Variants in CTNNA2 observed in about 807,000 individuals in gnomAD.
The protein encoded by CTNNA2 is catenin alpha 2, also known as catenin alpha-2.
In CTNNA2, 42 loss-of-function variants were observed where a neutral mutation model predicts 101.0. The ratio of observed to expected loss-of-function variants is 0.42; its 90% CI spans 0.32 to 0.54. The LOEUF (loss-of-function observed/expected upper bound fraction) is 0.54. Ranked by LOEUF, CTNNA2 falls within the 20% of genes least tolerant of loss-of-function variation. The pLI, the probability that CTNNA2 is intolerant of heterozygous loss-of-function variation, is 0.14. For synonymous variants in CTNNA2, 450 were observed against 456.4 expected (o/e 0.99, Z 0.18); for missense variants, 871 against 1,223.1 (o/e 0.71, Z 4.29).
chr2:80,350,325 G>C (rs912053706), intron 7 of CTNNA2, among the ~76,000 whole-genome samples: 26 of 152,126 alleles, frequency 1.7e-4, no homozygotes, highest in Non-Finnish European at 5.9e-5. Context: ...TTATTTTATT[G>C]TAGCATTCTT....
intron 2 of CTNNA2, among the ~76,000 whole-genome samples, chr2:79,679,139 C>T (rs946164977): frequency 3.9e-5 from 6 of 152,282 alleles, no homozygotes; most frequent in East Asian, 1.9e-4. Context: ...AACTGTGTTT[C>T]GCCTCCTAGA....
At chr2:79,814,823 T>C (rs1184553109) in intron 3 of CTNNA2, among the ~76,000 whole-genome samples, 2 of 152,166 alleles carry the variant, frequency 1.3e-5, no homozygotes, top group African/African-American at 4.8e-5. Context: ...CAAATGGTAG[T>C]ACTTTTAGTT....
chr2:79,634,193 T>G (rs1414863820), intron 1 of CTNNA2, among the ~76,000 whole-genome samples: 4 of 152,194 alleles, frequency 2.6e-5, no homozygotes, highest in African/African-American at 9.6e-5. Context: ...TTCCCTGAAT[T>G]ACATCATGGT....
intron 15 of CTNNA2, among the ~76,000 whole-genome samples, chr2:80,602,309 T>A (rs1025373241): frequency 2.0e-5 from 3 of 152,028 alleles, no homozygotes; most frequent in African/African-American, 7.2e-5. Context: ...TCAAGCAGAT[T>A]CAGGATCTAT....
Position 80,183,140 on chromosome 2 carries a change from G to A in CTNNA2, c.1057-210071G>A, listed in dbSNP as rs556987786. On this transcript the variant is annotated intron_variant, in intron 7 of 18. Coordinates refer to ENST00000402739, the MANE Select transcript of CTNNA2 (RefSeq NM_001282597.3). ...TTCTGCCTGCTTCCCACCGCTAAATGTCAATAGATCCCCCCAGACACCATT... is the reference window on the plus strand; with the variant it reads ...TTCTGCCTGCTTCCCACCGCTAAATATCAATAGATCCCCCCAGACACCATT... Among the ~76,000 whole-genome samples the A allele has an allele frequency of 6.6e-5, 10 of 152,240 alleles. No homozygotes were observed. The South Asian group carries it at 1.9e-3, about 28-fold the overall frequency.
intron 2 of CTNNA2, among the ~76,000 whole-genome samples, chr2:79,211,470 G>A (rs533871270): frequency 2.0e-5 from 3 of 152,288 alleles, no homozygotes; most frequent in South Asian, 2.1e-4. Context: ...TAGGGGTGGG[G>A]CCTTTTTATA....
At chr2:79,724,900 C>T (rs982004868) in intron 2 of CTNNA2, among the ~76,000 whole-genome samples, 4 of 151,066 alleles carry the variant, frequency 2.6e-5, no homozygotes, top group Non-Finnish European at 4.4e-5. Context: ...CACATCAGCA[C>T]GTCTACTCTG....
At chr2:79,778,967 T>A (rs1189541065) in intron 3 of CTNNA2, among the ~76,000 whole-genome samples, 16 of 152,190 alleles carry the variant, frequency 1.1e-4, no homozygotes, top group Admixed American at 1.0e-3. Flanking sequence ...TGGGCCAAAG[T>A]TTGCTAATTC....
chr2:80,010,623 G>A (rs958806056), intron 7 of CTNNA2, among the ~76,000 whole-genome samples: 1 of 152,112 alleles, frequency 6.6e-6, no homozygotes, highest in Non-Finnish European at 1.5e-5. Flanking sequence ...ATTTTAGCAA[G>A]TGTAATAATT....
chr2:79,212,816 T>C (rs1674193570), intron 2 of CTNNA2, among the ~76,000 whole-genome samples: 2 of 152,182 alleles, frequency 1.3e-5, no homozygotes, highest in Admixed American at 6.5e-5. Flanking sequence ...AATTTGCCAG[T>C]CCTGGGCAGG....
At chr2:79,496,764 A>G (rs1671260892) in intron 4 of CTNNA2, among the ~76,000 whole-genome samples, 3 of 151,964 alleles carry the variant, frequency 2.0e-5, no homozygotes, top group African/African-American at 7.2e-5. Context: ...TATACATAGA[A>G]GGAGATATAA....
chr2:80,021,077 C>G (rs886396285), intron 7 of CTNNA2, among the ~76,000 whole-genome samples: 5 of 143,776 alleles, frequency 3.5e-5, no homozygotes, highest in Non-Finnish European at 7.5e-5. Flanking sequence ...TCTTGGCTCA[C>G]TGCATGATCG....
intron 7 of CTNNA2, among the ~76,000 whole-genome samples, chr2:80,341,840 C>T (rs1216516605): frequency 6.6e-6 from 1 of 152,056 alleles, no homozygotes; most frequent in East Asian, 1.9e-4. Flanking sequence ...TTCACAACAG[C>T]CAAAAATTGC....
chr2:79,976,034 G>T lies in CTNNA2; in HGVS notation c.1056+66237G>T, dbSNP rs1382151619. Among the ~76,000 whole-genome samples, 6 of 152,098 alleles carry T rather than the reference G, an allele frequency of 3.9e-5. No individual in the cohort carries two copies. In the South Asian group the frequency reaches 1.0e-3, roughly 26 times the overall value. ...TCTTCTGGTGACCAGCTCCCAAGCT[G>T]AATTTATCTAGGGATCCCCAGCCAC... On this transcript the variant is annotated intron_variant, in intron 7 of 18. Transcript: ENST00000402739.
chr2:80,272,392 C>T (rs1673566301), intron 7 of CTNNA2, among the ~76,000 whole-genome samples: 1 of 152,240 alleles, frequency 6.6e-6, no homozygotes, highest in Admixed American at 6.5e-5. Context: ...GAGTTGGCTA[C>T]ATTTTCAAAA....
At chr2:79,687,655 G>A in intron 2 of CTNNA2, 4 of 634,428 alleles carry the variant, frequency 6.3e-6, no homozygotes, top group South Asian at 1.8e-5. Flanking sequence ...TGTTGAATTG[G>A]GTAACTCTTT....
intron 4 of CTNNA2, among the ~76,000 whole-genome samples, chr2:79,492,831 G>A (rs1671217704): frequency 6.6e-6 from 1 of 152,066 alleles, no homozygotes; most frequent in African/African-American, 2.4e-5. Context: ...GGAAAAATGA[G>A]TCTAGTAACA....
At chr2:79,711,778 C>T (rs1250711125) in intron 2 of CTNNA2, among the ~76,000 whole-genome samples, 3 of 152,052 alleles carry the variant, frequency 2.0e-5, no homozygotes, top group Non-Finnish European at 4.4e-5. Context: ...CTGCTCAACT[C>T]GGCTGTTGTG....
chr2:80,591,310 C>T (rs1696467694), intron 15 of CTNNA2, among the ~76,000 whole-genome samples: 1 of 151,958 alleles, frequency 6.6e-6, no homozygotes, highest in Admixed American at 6.6e-5. Flanking sequence ...CAATTTTTCC[C>T]ACTGCATGAT....
Sources: allele counts gnomAD v4.1 joint callset (sites outside exome capture counted in the v4.1 genomes callset), GRCh38; gene constraint gnomAD v4.1.1; transcripts MANE v1.5; gene names NCBI Gene and HGNC (gene_info 2026-07-23, HGNC 2026-07-21).